The following NTNG1 variants were observed in gnomAD, a reference collection of about 807,000 sequenced individuals.
The protein encoded by NTNG1 is netrin-G1.
Under a neutral mutation model 54.0 loss-of-function variants are expected in NTNG1, and 16 were observed. That is an observed-to-expected ratio of 0.30 (90% confidence interval 0.20 to 0.45). The LOEUF is 0.45. NTNG1 is among the 20% of genes least tolerant of loss of function. The pLI is 1.00. For synonymous variants in NTNG1, 255 were observed against 263.1 expected, an observed-to-expected ratio of 0.97 and a Z score of 0.30; for missense variants, 530 against 678.7, an observed-to-expected ratio of 0.78 and a Z score of 2.43.
chr1:107,338,844 C>A (rs1490749854), intron 3 of NTNG1, among the ~76,000 whole-genome samples: 1 of 144,110 alleles, frequency 6.9e-6, no homozygotes, highest in African/African-American at 2.6e-5. Context: ...AATAATAAAA[C>A]ACAAAGATAA....
chr1:107,188,241 A>G (rs1268090335), intron 2 of NTNG1, among the ~76,000 whole-genome samples: 1 of 152,100 alleles, frequency 6.6e-6, no homozygotes, highest in Non-Finnish European at 1.5e-5. Flanking sequence ...TATTTATCAC[A>G]TTGGGTATGA....
intron 2 of NTNG1, among the ~76,000 whole-genome samples, chr1:107,281,708 A>C (rs2101729439): frequency 6.6e-6 from 1 of 152,212 alleles, no homozygotes; most frequent in Non-Finnish European, 1.5e-5. Flanking sequence ...CACACACACA[A>C]ATTTTATTTA....
chr1:107,185,765 T>G (rs1657411261), intron 2 of NTNG1, among the ~76,000 whole-genome samples: 1 of 152,146 alleles, frequency 6.6e-6, no homozygotes, highest in Non-Finnish European at 1.5e-5. Flanking sequence ...GGGGGACAGC[T>G]AGGATCACAT....
chr1:107,422,332 A>G (rs1053328978), intron 5 of NTNG1, among the ~76,000 whole-genome samples: 1 of 152,122 alleles, frequency 6.6e-6, no homozygotes, highest in African/African-American at 2.4e-5. Flanking sequence ...AAAGAAACAA[A>G]GGAGGTGAAG....
intron 2 of NTNG1, among the ~76,000 whole-genome samples, chr1:107,170,484 G>A (rs930884478): frequency 3.3e-5 from 5 of 151,988 alleles, no homozygotes. Context: ...AATGACAAAT[G>A]TATTAATTAC....
At chr1:107,401,360 C>T (rs1248313641) in intron 4 of NTNG1, among the ~76,000 whole-genome samples, 1 of 152,074 alleles carries the variant, frequency 6.6e-6, no homozygotes, top group Non-Finnish European at 1.5e-5. Flanking sequence ...ACCGGAATAC[C>T]AAGTTATTCA....
At chr1:107,447,271 G>C (rs183534858) in intron 7 of NTNG1, among the ~76,000 whole-genome samples, 179 of 152,044 alleles carry the variant, frequency 1.2e-3, no homozygotes, top group Non-Finnish European at 2.1e-4. Context: ...CAATAATATG[G>C]ACAACTACTA....
intron 2 of NTNG1, among the ~76,000 whole-genome samples, chr1:107,305,504 T>C (rs1666630387): frequency 2.0e-5 from 3 of 152,372 alleles, no homozygotes; most frequent in Admixed American, 6.5e-5. Flanking sequence ...TTAGCTTTTT[T>C]TTCATATGTT....
intron 2 of NTNG1, among the ~76,000 whole-genome samples, chr1:107,217,055 A>C (rs769603931): frequency 1.3e-4 from 20 of 152,200 alleles, no homozygotes; most frequent in Non-Finnish European, 2.4e-4. Context: ...AATAGAATTC[A>C]GCAGTAAATC....
chr1:107,273,903 ATCT>A (rs1306668395), intron 2 of NTNG1, among the ~76,000 whole-genome samples: 2 of 152,160 alleles, frequency 1.3e-5, no homozygotes, highest in East Asian at 1.9e-4. Context: ...TTCTGACAAT[ATCT>A]TCTTCTCTTC....
intron 2 of NTNG1, among the ~76,000 whole-genome samples, chr1:107,199,015 T>A (rs75659255): frequency 1.5e-5 from 2 of 133,886 alleles, no homozygotes; most frequent in South Asian, 2.2e-4. Flanking sequence ...GAAATTGCTA[T>A]TTTTTTTTTG....
At position 107,341,955 on chromosome 1, in the gene NTNG1, G is replaced by T. The variant is rs373198305; in HGVS notation, c.887+17033G>T. ...GTGAGGAAATTGGAACAGGGGTTCC[G>T]CAGGAAAAGGAAAAAAATATGTGAG... On this transcript the variant is annotated intron_variant, in intron 3 of 7. Coordinates refer to ENST00000370068, the MANE Select transcript of NTNG1 (RefSeq NM_001113226.3). Among the ~76,000 whole-genome samples, 4 of 152,002 alleles carry T rather than the reference G, an allele frequency of 2.6e-5. No individual in the cohort carries two copies. The East Asian group carries it at 5.8e-4, about 22-fold the overall frequency.
At chr1:107,454,333 G>A (rs1176275642) in intron 7 of NTNG1, among the ~76,000 whole-genome samples, 1 of 152,118 alleles carries the variant, frequency 6.6e-6, no homozygotes, top group Admixed American at 6.5e-5. Flanking sequence ...TTGCACCCAT[G>A]CATACTTTGC....
intron 3 of NTNG1, among the ~76,000 whole-genome samples, chr1:107,368,892 A>G (rs895289593): frequency 2.0e-5 from 3 of 152,204 alleles, no homozygotes; most frequent in Non-Finnish European, 4.4e-5. Context: ...ATATGTTTTG[A>G]CTTATGTATA....
intron 3 of NTNG1, among the ~76,000 whole-genome samples, chr1:107,336,963 T>C (rs1251313482): frequency 6.6e-6 from 1 of 151,788 alleles, no homozygotes; most frequent in Non-Finnish European, 1.5e-5. Flanking sequence ...TTCAAAAACA[T>C]AAAATAACAT....
chr1:107,472,143 A>G (rs1428719367), intron 7 of NTNG1, among the ~76,000 whole-genome samples: 1 of 152,060 alleles, frequency 6.6e-6, no homozygotes, highest in African/African-American at 2.4e-5. Context: ...TCTTTATACT[A>G]CCTCATGCTT....
At chr1:107,296,623 T>C (rs893699739) in intron 2 of NTNG1, among the ~76,000 whole-genome samples, 2 of 148,094 alleles carry the variant, frequency 1.4e-5, no homozygotes, top group Admixed American at 6.8e-5. Context: ...ATATATATTA[T>C]TTCTATGAAT....
chr1:107,199,378 A>G (rs2101267574), intron 2 of NTNG1, among the ~76,000 whole-genome samples: 1 of 152,034 alleles, frequency 6.6e-6, no homozygotes, highest in East Asian at 1.9e-4. Flanking sequence ...GAATATGTGA[A>G]GCACAACCTT....
At chr1:107,160,597 C>T (rs1174386241) in intron 2 of NTNG1, among the ~76,000 whole-genome samples, 2 of 151,968 alleles carry the variant, frequency 1.3e-5, no homozygotes, top group Admixed American at 6.6e-5. Context: ...GCCAGTCTGA[C>T]CCTTTCCTTG....
Sources: gnomAD v4.1 joint callset for allele counts (sites outside exome capture counted in the v4.1 genomes callset) on GRCh38, gnomAD v4.1.1 for gene constraint, MANE v1.5 for transcripts, NCBI Gene and HGNC (gene_info 2026-07-23, HGNC 2026-07-21) for gene names.